Variants in ITFG1 observed in about 807,000 individuals in gnomAD.
ITFG1 encodes T-cell immunomodulatory protein.
A neutral mutation model predicts 81.8 loss-of-function variants in ITFG1; 34 were observed. The ratio of observed to expected loss-of-function variants is 0.42; its 90% CI spans 0.32 to 0.55. The LOEUF (loss-of-function observed/expected upper bound fraction) is 0.55, where lower values mean the gene tolerates loss of function less well. Ranked by LOEUF, ITFG1 falls within the 20% of genes least tolerant of loss-of-function variation. The pLI, the probability that ITFG1 is intolerant of heterozygous loss-of-function variation, is 0.17. For synonymous variants in ITFG1, 285 were observed against 270.6 expected, an observed-to-expected ratio of 1.05 and a Z score of -0.52; for missense variants, 672 against 755.4, an observed-to-expected ratio of 0.89 and a Z score of 1.29.
At position 47,438,953 on chromosome 16, in the gene ITFG1, T is replaced by C. The variant is rs533361271; in HGVS notation, c.561-10055A>G. 9.2e-5 allele frequency among the ~76,000 whole-genome samples: 14 copies of C among 151,838 alleles called. 1 individual carries two copies. The highest frequency in any genetic ancestry group is 3.1e-4 in the African/African-American group (13 of 41,378). On this transcript the variant is annotated intron_variant, in intron 5 of 17. Transcript: ENST00000320640. ...AAACTTTGAAAAAAAATTAGACGAA[T>C]GGATAACTAGAATAAACAATGCAGA...
rs572583196 is a variant in ITFG1, at chr16:47,271,941, A to G, written c.1071-11246T>C. On this transcript the variant is annotated intron_variant, in intron 10 of 17. Transcript: ENST00000320640. ...GGTATATCTCAAGAGAAATGAAAAC[A>G]TGTCTACATAAAAACTTGCATATGA... Among the ~76,000 whole-genome samples, 11 of 152,322 alleles carry G rather than the reference A, an allele frequency of 7.2e-5. 1 individual carries two copies. Among genetic ancestry groups the G allele is most frequent in the African/African-American group, 2.6e-4 (11 of 41,584 alleles).
intron 6 of ITFG1, among the ~76,000 whole-genome samples, chr16:47,376,368 CAA>C (rs938157739): frequency 5.3e-5 from 8 of 152,050 alleles, no homozygotes; most frequent in African/African-American, 7.2e-5. Flanking sequence ...TTTCACCACC[CAA>C]AAGTTTTTGC....
chr16:47,267,300 G>A (rs1966288215), intron 10 of ITFG1, among the ~76,000 whole-genome samples: 1 of 152,080 alleles, frequency 6.6e-6, no homozygotes, highest in African/African-American at 2.4e-5. Flanking sequence ...GTAGACTTCA[G>A]AACAAAGAAT....
intron 1 of ITFG1, 128 bp from the exon 2 acceptor site, chr16:47,459,303 C>G (rs1234774954): frequency 3.1e-6 from 2 of 645,432 alleles, no homozygotes; most frequent in Admixed American, 2.4e-5. Context: ...TTCATCTGCC[C>G]TCTCAAGCAT....
chr16:47,377,556 T>C (rs1434882484), intron 6 of ITFG1, among the ~76,000 whole-genome samples: 1 of 152,194 alleles, frequency 6.6e-6, no homozygotes, highest in African/African-American at 2.4e-5. Context: ...TTGACCTCTG[T>C]TTGCCTCTGT....
chr16:47,189,479 C>G (rs1965266600), intron 14 of ITFG1, among the ~76,000 whole-genome samples: 1 of 152,186 alleles, frequency 6.6e-6, no homozygotes, highest in Non-Finnish European at 1.5e-5. Flanking sequence ...CCTTTTGTGT[C>G]TGGCTGTATT....
At chr16:47,273,005 T>C (rs1284207168) in intron 10 of ITFG1, among the ~76,000 whole-genome samples, 1 of 151,146 alleles carries the variant, frequency 6.6e-6, no homozygotes, top group Non-Finnish European at 1.5e-5. Flanking sequence ...AGGTCTGGGT[T>C]ATTCTAGGTG....
intron 5 of ITFG1, among the ~76,000 whole-genome samples, chr16:47,437,353 G>A (rs904300730): frequency 5.3e-5 from 8 of 151,508 alleles, no homozygotes; most frequent in Non-Finnish European, 7.4e-5. Flanking sequence ...CCATAGTCCC[G>A]GCTACTCAGG....
At chr16:47,402,227 T>C (rs1465081268) in intron 6 of ITFG1, among the ~76,000 whole-genome samples, 1 of 152,224 alleles carries the variant, frequency 6.6e-6, no homozygotes, top group African/African-American at 2.4e-5. Context: ...GAAATAAATC[T>C]TATCAACATC....
chr16:47,368,183 G>C (rs901460065), intron 7 of ITFG1, among the ~76,000 whole-genome samples: 5 of 148,294 alleles, frequency 3.4e-5, no homozygotes, highest in Non-Finnish European at 7.4e-5. Flanking sequence ...GCAGTAAGCC[G>C]AGATTGCACC....
chr16:47,407,260 C>T (rs1968740796), intron 6 of ITFG1, among the ~76,000 whole-genome samples: 1 of 152,148 alleles, frequency 6.6e-6, no homozygotes. Context: ...AAGAAGTGAA[C>T]AAGTTGTGGA....
chr16:47,360,030 A>G (rs1038991217), intron 8 of ITFG1, among the ~76,000 whole-genome samples: 1 of 152,204 alleles, frequency 6.6e-6, no homozygotes, highest in African/African-American at 2.4e-5. Context: ...TAGGAACTCT[A>G]AAACGTTTTT....
chr16:47,181,624 C>G (rs536997170), intron 14 of ITFG1, among the ~76,000 whole-genome samples: 2 of 151,574 alleles, frequency 1.3e-5, no homozygotes, highest in Admixed American at 1.3e-4. Context: ...TCTGCCCGGC[C>G]GCCCCTACTG....
At chr16:47,158,356 A>G (rs1040267719) in intron 17 of ITFG1, among the ~76,000 whole-genome samples, 1 of 152,096 alleles carries the variant, frequency 6.6e-6, no homozygotes, top group African/African-American at 2.4e-5. Context: ...TGGCCTCCCA[A>G]AGTGCTGGGA....
intron 5 of ITFG1, among the ~76,000 whole-genome samples, chr16:47,447,228 T>C (rs1969335460): frequency 1.3e-5 from 2 of 152,056 alleles, no homozygotes; most frequent in Admixed American, 1.3e-4. Flanking sequence ...AAATGGTTTC[T>C]CCCCAAACAA....
intron 6 of ITFG1, among the ~76,000 whole-genome samples, chr16:47,419,105 G>A (rs1027919415): frequency 4.6e-5 from 7 of 152,094 alleles, no homozygotes; most frequent in East Asian, 3.9e-4. Flanking sequence ...ACTAGTTCAC[G>A]TTGTTTTATC....
At chr16:47,384,616 G>C (rs1282211668) in intron 6 of ITFG1, among the ~76,000 whole-genome samples, 11 of 152,118 alleles carry the variant, frequency 7.2e-5, no homozygotes, top group Non-Finnish European at 1.6e-4. Context: ...CTGATAACTT[G>C]GAAAAAGTAA....
chr16:47,231,748 T>G (rs1965818842), intron 13 of ITFG1, among the ~76,000 whole-genome samples: 1 of 152,222 alleles, frequency 6.6e-6, no homozygotes, highest in South Asian at 2.1e-4. Flanking sequence ...CTATCTACAT[T>G]AATTCCTCTA....
rs528868972 is a variant in ITFG1 at position 47,311,572 on chromosome 16, T to C, written c.898-160A>G. 7.3e-5 allele frequency among the ~76,000 whole-genome samples: 11 copies of C among 151,224 alleles called. No individual in the cohort carries two copies. In the South Asian group the frequency reaches 2.3e-3, roughly 31 times the overall value. ...GGGGATCATAATTTACTCTGATGAATAGGTGACACTCTGGGAAAAAAAAAA... is the reference window on the plus strand; with the variant it reads ...GGGGATCATAATTTACTCTGATGAACAGGTGACACTCTGGGAAAAAAAAAA... On this transcript the variant is annotated intron_variant, in intron 9 of 17. Transcript: ENST00000320640.
Sources: allele counts gnomAD v4.1 joint callset (sites outside exome capture counted in the v4.1 genomes callset), GRCh38; gene constraint gnomAD v4.1.1; transcripts MANE v1.5; gene names NCBI Gene and HGNC (gene_info 2026-07-23, HGNC 2026-07-21).